Variants in PPP1R9A observed in about 807,000 individuals in gnomAD.
The protein encoded by PPP1R9A is neurabin-1.
A neutral mutation model predicts 141.9 loss-of-function variants in PPP1R9A; 59 were observed. That is an observed-to-expected ratio of 0.42 (90% CI 0.34 to 0.52). The LOEUF is 0.52. PPP1R9A is among the 20% of genes least tolerant of loss of function. The probability of loss-of-function intolerance (pLI) is 0.10; values close to 1 mark genes in which losing one functional copy is unlikely to be tolerated. For missense variants in PPP1R9A, 1,444 were observed against 1,611.9 expected (o/e 0.90, Z 1.78); for synonymous variants, 500 against 569.7 (o/e 0.88, Z 1.74).
intron 2 of PPP1R9A, among the ~76,000 whole-genome samples, chr7:95,059,964 G>T (rs979479188): frequency 2.0e-5 from 3 of 152,134 alleles, no homozygotes; most frequent in Admixed American, 2.0e-4. Flanking sequence ...GTTGGGAGGG[G>T]TTAAGGTGCG....
intron 12 of PPP1R9A, among the ~76,000 whole-genome samples, chr7:95,265,699 G>T (rs967079041): frequency 6.6e-6 from 1 of 152,022 alleles, no homozygotes; most frequent in African/African-American, 2.4e-5. Context: ...TATTTTTCTG[G>T]TTCTTTTAAA....
At chr7:95,277,432 G>T (rs1803406773) in intron 16 of PPP1R9A, among the ~76,000 whole-genome samples, 2 of 152,052 alleles carry the variant, frequency 1.3e-5, no homozygotes, top group African/African-American at 4.8e-5. Flanking sequence ...CTTTTTGTTT[G>T]TTTGTTTGTT....
rs775110349 is a variant in PPP1R9A, at chr7:94,981,043, G to C, written c.1395+69535G>C. 5.9e-5 allele frequency among the ~76,000 whole-genome samples: 9 copies of C among 152,164 alleles called. No individual in the cohort carries two copies. In the South Asian group the frequency reaches 6.2e-4, roughly 11 times the overall value. ...AGTGAATAAATATTTGTAAATTGCT[G>C]TGCAGCTGTGCTAGAGAATAATGGG... On this transcript the variant is annotated intron_variant, in intron 2 of 19. Coordinates refer to ENST00000433360, the MANE Select transcript of PPP1R9A (RefSeq NM_001166160.2).
chr7:94,957,871 A>G (rs1444503498), intron 2 of PPP1R9A, among the ~76,000 whole-genome samples: 2 of 152,006 alleles, frequency 1.3e-5, no homozygotes, highest in East Asian at 1.9e-4. Context: ...ACCTTTGACT[A>G]ACTAGTTATG....
chr7:94,936,382 A>G (rs993186730), intron 2 of PPP1R9A, among the ~76,000 whole-genome samples: 1 of 152,186 alleles, frequency 6.6e-6, no homozygotes, highest in Non-Finnish European at 1.5e-5. Flanking sequence ...TTAACATTAA[A>G]TCAGGCTTCT....
intron 4 of PPP1R9A, among the ~76,000 whole-genome samples, chr7:95,139,601 A>C (rs929980379): frequency 1.2e-4 from 19 of 152,132 alleles, no homozygotes; most frequent in Non-Finnish European, 2.2e-4. Context: ...CCAGTGCCCT[A>C]GACTATCTTA....
At chr7:95,049,663 A>G (rs1463651045) in intron 2 of PPP1R9A, among the ~76,000 whole-genome samples, 2 of 152,158 alleles carry the variant, frequency 1.3e-5, no homozygotes, top group Non-Finnish European at 2.9e-5. Context: ...CTGGCCTTAA[A>G]AATCCACTGT....
At chr7:95,163,242 T>C (rs568874027) in intron 5 of PPP1R9A, among the ~76,000 whole-genome samples, 1 of 152,350 alleles carries the variant, frequency 6.6e-6, no homozygotes, top group East Asian at 1.9e-4. Context: ...TCCCCTCTGT[T>C]GACTGCGTAA....
chr7:95,094,879 CAAAAAAAAAAAAAA>C (rs1166550834), intron 2 of PPP1R9A, among the ~76,000 whole-genome samples: 8 of 44,992 alleles, frequency 1.8e-4, no homozygotes, highest in East Asian at 1.5e-3. Context: ...GACTGCGTCT[CAAAAAAAAAAAAAA>C]AAAAAAAAAA....
intron 2 of PPP1R9A, among the ~76,000 whole-genome samples, chr7:95,011,863 C>G (rs1804465680): frequency 1.3e-5 from 2 of 152,126 alleles, no homozygotes; most frequent in African/African-American, 4.8e-5. Flanking sequence ...AACATTATCA[C>G]AGTGGACTGA....
rs116546416 is a variant in PPP1R9A at position 94,977,250 on chromosome 7, G to A, written c.1395+65742G>A. 2.2e-3 allele frequency among the ~76,000 whole-genome samples: 330 copies of A among 152,246 alleles called. 1 individual carries two copies. Among genetic ancestry groups the A allele is most frequent in the African/African-American group, 7.6e-3 (316 of 41,540 alleles). On this transcript the variant is annotated intron_variant, in intron 2 of 19. Transcript: ENST00000433360. ...GAAATTTGGCAGTTGTCACTAGAGA[G>A]TGAATATAGGAAAAGAAGAGATTCG...
Position 95,252,145 on chromosome 7 carries a change from A to G in PPP1R9A, c.2665+15A>G. ...CCTAAGTCAAGGTTTGTTTAACCCA[A>G]CCACAAAAATCATTTTTGATGACTG... On this transcript the variant is annotated intron_variant, in intron 12 of 19. Transcript: ENST00000433360. The G allele has an allele frequency of 1.9e-6, 3 of 1,545,464 alleles. 1 individual carries two copies. Among genetic ancestry groups the G allele is most frequent in the South Asian group, 2.6e-5 (2 of 77,972 alleles).
intron 4 of PPP1R9A, among the ~76,000 whole-genome samples, chr7:95,158,185 CAT>C (rs1178261789): frequency 1.3e-5 from 2 of 152,180 alleles, no homozygotes; most frequent in African/African-American, 2.4e-5. Context: ...GAAAACTTGA[CAT>C]ATATTGCACT....
At chr7:95,178,149 A>G (rs944290290) in intron 5 of PPP1R9A, among the ~76,000 whole-genome samples, 1 of 152,172 alleles carries the variant, frequency 6.6e-6, no homozygotes, top group Non-Finnish European at 1.5e-5. Flanking sequence ...ATGAGCCTCA[A>G]TAAATTTAAG....
chr7:95,167,319 C>T (rs544974782), intron 5 of PPP1R9A, among the ~76,000 whole-genome samples: 1 of 152,234 alleles, frequency 6.6e-6, no homozygotes, highest in African/African-American at 2.4e-5. Context: ...CAGGTTCCTC[C>T]CATGACATGT....
intron 2 of PPP1R9A, among the ~76,000 whole-genome samples, chr7:95,014,767 GT>G (rs1804863468): frequency 6.6e-6 from 1 of 151,886 alleles, no homozygotes; most frequent in Non-Finnish European, 1.5e-5. Context: ...TGTCACTTCC[GT>G]ATTTACTAAT....
At chr7:94,988,442 A>G (rs1372516854) in intron 2 of PPP1R9A, among the ~76,000 whole-genome samples, 2 of 152,026 alleles carry the variant, frequency 1.3e-5, no homozygotes, top group Admixed American at 6.6e-5. Context: ...TGTTTTAGTA[A>G]TGTTTCCAAG....
At chr7:95,005,434 A>G (rs534093100) in intron 2 of PPP1R9A, among the ~76,000 whole-genome samples, 1 of 152,198 alleles carries the variant, frequency 6.6e-6, no homozygotes, top group Non-Finnish European at 1.5e-5. Flanking sequence ...AAAAAAGTTT[A>G]AAGAAAATTT....
At chr7:95,188,406 A>G (rs950028978) in intron 5 of PPP1R9A, among the ~76,000 whole-genome samples, 4 of 152,124 alleles carry the variant, frequency 2.6e-5, no homozygotes, top group African/African-American at 9.7e-5. Context: ...TGAAGATAGC[A>G]TATACTTGGT....
Sources: gnomAD v4.1 joint callset for allele counts (sites outside exome capture counted in the v4.1 genomes callset) on GRCh38, gnomAD v4.1.1 for gene constraint, MANE v1.5 for transcripts, NCBI Gene and HGNC (gene_info 2026-07-23, HGNC 2026-07-21) for gene names.